The following CPS1 variants were observed in gnomAD, a reference collection of about 807,000 sequenced individuals.
CPS1 encodes the protein carbamoyl-phosphate synthase [ammonia], mitochondrial.
CPS1 carries 109 observed loss-of-function variants against 174.6 expected under a neutral mutation model. The observed-to-expected ratio is 0.62, with a 90% CI of 0.53 to 0.73. CPS1 has a LOEUF of 0.73. Among genes scored for constraint, CPS1 ranks in the 30% least tolerant of loss-of-function variants. CPS1 has a pLI of 0.00. For synonymous variants in CPS1, 637 were observed against 632.0 expected (o/e 1.01, Z -0.12); for missense variants, 1,689 against 1,821.9 (o/e 0.93, Z 1.33).
intron 1 of CPS1, among the ~76,000 whole-genome samples, chr2:210,528,905 G>T (rs1041024831): frequency 6.8e-6 from 1 of 147,896 alleles, no homozygotes; most frequent in Non-Finnish European, 1.5e-5. Context: ...ACAAAAGGAT[G>T]AATAAAAAAC....
At chr2:210,630,092 C>CAA (rs11372499) in intron 21 of CPS1, among the ~76,000 whole-genome samples, 241 of 132,896 alleles carry the variant, frequency 1.8e-3, no homozygotes, top group Middle Eastern at 7.7e-3. Context: ...AAAAACAAAA[C>CAA]AAAAAAAAAA....
intron 21 of CPS1, among the ~76,000 whole-genome samples, chr2:210,621,586 G>T (rs193069802): frequency 4.6e-5 from 7 of 152,046 alleles, no homozygotes; most frequent in Non-Finnish European, 2.9e-5. Context: ...TCCTTACTCC[G>T]ATCTGTAAGA....
Position 210,678,150 on chromosome 2 carries a change from C to T in CPS1, c.*165C>T. 1.4e-6 allele frequency: 1 copy of T among 712,076 alleles called. No individual in the cohort carries two copies. Among genetic ancestry groups the T allele is most frequent in the Admixed American group, 2.0e-5 (1 of 49,422 alleles). The allele number at this position is 712,076 out of a possible 1,614,324, so 44.1% of individuals were successfully genotyped here. A position where few individuals can be genotyped will look rare whatever the true frequency, so the allele number is the denominator to read the frequency against. On this transcript the variant is annotated 3_prime_UTR_variant, in exon 38 of 38. Transcript: ENST00000233072. The stretch of plus-strand genomic sequence containing the variant: ...TGTCTTTTGCAATTAAATTGTCAGT[C>T]ACTTCTTCAAAACCTTACAGTCCTT...
chr2:210,612,001 TGATATA>T, intron 19 of CPS1, 110 bp from the exon 20 acceptor site: 3 of 918,288 alleles, frequency 3.3e-6, no homozygotes, highest in Non-Finnish European at 3.4e-6. Context: ...AGAGGCTTTA[TGATATA>T]TTTTTTGTTC....
chr2:210,504,014 T>A (rs1559739034), intron 1 of CPS1, among the ~76,000 whole-genome samples: 1 of 152,188 alleles, frequency 6.6e-6, no homozygotes, highest in Non-Finnish European at 1.5e-5. Context: ...AATAGGAAGA[T>A]GTGTTGTGAT....
intron 7 of CPS1, 87 bp downstream of exon 7, chr2:210,588,234 T>G: frequency 1.7e-6 from 2 of 1,170,790 alleles, no homozygotes; most frequent in South Asian, 1.2e-5. Flanking sequence ...GAGAAACTTA[T>G]GCATTCTTTC....
At chr2:210,499,695 A>G (rs1293022751) in intron 1 of CPS1, among the ~76,000 whole-genome samples, 1 of 152,018 alleles carries the variant, frequency 6.6e-6, no homozygotes, top group African/African-American at 2.4e-5. Context: ...TAGCTCCAGG[A>G]CTTGGGAGAA....
chr2:210,521,190 A>G (rs1053296237), intron 1 of CPS1, among the ~76,000 whole-genome samples: 6 of 151,958 alleles, frequency 3.9e-5, no homozygotes, highest in African/African-American at 1.4e-4. Context: ...GCATTTCTCT[A>G]ATGGCTAATT....
At chr2:210,481,166 C>T (rs1480195903) in intron 1 of CPS1, among the ~76,000 whole-genome samples, 3 of 152,126 alleles carry the variant, frequency 2.0e-5, no homozygotes, top group African/African-American at 4.8e-5. Context: ...ATTGTGAGTC[C>T]AGAAAGTTGG....
At chr2:210,635,685 A>G (rs1700024327) in intron 21 of CPS1, among the ~76,000 whole-genome samples, 1 of 152,256 alleles carries the variant, frequency 6.6e-6, no homozygotes. Context: ...ATAATACTTA[A>G]TATTGGATTG....
intron 1 of CPS1, among the ~76,000 whole-genome samples, chr2:210,491,326 T>C (rs1276942186): frequency 7.5e-6 from 1 of 132,950 alleles, no homozygotes; most frequent in Admixed American, 7.6e-5. Flanking sequence ...TTTTTTTTTT[T>C]TTTTTTTTTT....
intron 1 of CPS1, among the ~76,000 whole-genome samples, chr2:210,504,418 T>G (rs1695225634): frequency 6.6e-6 from 1 of 152,244 alleles, no homozygotes; most frequent in African/African-American, 2.4e-5. Flanking sequence ...TTTTAATCAC[T>G]TGTCATATGT....
intron 6 of CPS1, 36 bp from the exon 7 acceptor site, chr2:210,588,022 G>C (rs1254696425): frequency 1.3e-6 from 2 of 1,594,054 alleles, no homozygotes; most frequent in East Asian, 4.5e-5. Context: ...CCATAGCTGG[G>C]ACTTCCCTCT....
Position 210,677,027 on chromosome 2 carries a change from T to G in CPS1, c.4295T>G (p.Ile1432Ser). ...TCCAGATTGATTAGAGATGGCAGCATTGACCTAGTGATTAACCTTCCCAAC... is the reference window on the plus strand; with the variant it reads ...TCCAGATTGATTAGAGATGGCAGCAGTGACCTAGTGATTAACCTTCCCAAC... ...SIRKLIRDGSIDLVINLPNNN... is the reference protein window; with the variant it reads ...SIRKLIRDGSSDLVINLPNNN... Residue 1432 changes from isoleucine (I) to serine (S), a missense_variant, in exon 37 of 38, where the codon ATT becomes AGT. Physicochemically the swap from Ile to Ser is moderately radical, Grantham distance 142. Coordinates refer to ENST00000233072, the MANE Select transcript of CPS1 (RefSeq NM_001875.5). The G allele has an allele frequency of 1.2e-6, 2 of 1,613,802 alleles. No individual in the cohort carries two copies. The highest frequency in any genetic ancestry group is 1.7e-6 in the Non-Finnish European group (2 of 1,179,706).
intron 29 of CPS1, among the ~76,000 whole-genome samples, 193 bp downstream of exon 29, chr2:210,654,295 T>C (rs1395108519): frequency 6.6e-6 from 1 of 152,216 alleles, no homozygotes; most frequent in African/African-American, 2.4e-5. Context: ...TTTCCTATGT[T>C]TCATACTGTT....
intron 1 of CPS1, among the ~76,000 whole-genome samples, chr2:210,524,181 G>T (rs913655221): frequency 6.6e-6 from 1 of 151,866 alleles, no homozygotes; most frequent in African/African-American, 2.4e-5. Flanking sequence ...GCCCTCTTAT[G>T]GGTCTCTGAC....
At chr2:210,554,472 A>G (rs1273238543), upstream of CPS1, among the ~76,000 whole-genome samples, 1 of 151,908 alleles carries the variant, frequency 6.6e-6, no homozygotes, top group Non-Finnish European at 1.5e-5. Context: ...GTCAACTGCT[A>G]TAAATGGTGA....
At chr2:210,591,110 G>A (rs1354836168) in intron 9 of CPS1, among the ~76,000 whole-genome samples, 1 of 151,788 alleles carries the variant, frequency 6.6e-6, no homozygotes, top group Non-Finnish European at 1.5e-5. Flanking sequence ...TTACGTGGTT[G>A]ACAGTTGTTT....
chr2:210,501,668 C>T (rs1358748715), intron 1 of CPS1, among the ~76,000 whole-genome samples: 2 of 152,138 alleles, frequency 1.3e-5, no homozygotes, highest in Admixed American at 6.5e-5. Flanking sequence ...TATCTGAGAC[C>T]ATCTCAGCCT....
Sources: gnomAD v4.1 joint callset for allele counts (sites outside exome capture counted in the v4.1 genomes callset) on GRCh38, gnomAD v4.1.1 for gene constraint, MANE v1.5 for transcripts, NCBI Gene and HGNC (gene_info 2026-07-23, HGNC 2026-07-21) for gene names.